DIS3L2: variants seen among roughly 807,000 people sequenced by gnomAD.
DIS3L2 encodes the protein DIS3-like exonuclease 2.
A neutral mutation model predicts 97.5 loss-of-function variants in DIS3L2; 34 were observed. The observed-to-expected ratio is 0.35, with a 90% confidence interval of 0.27 to 0.46. The LOEUF is 0.46. Among genes scored for constraint, DIS3L2 ranks in the 20% least tolerant of loss-of-function variants. DIS3L2 has a pLI of 1.00. For synonymous variants in DIS3L2, 435 were observed against 445.2 expected, an observed-to-expected ratio of 0.98 and a Z score of 0.29; for missense variants, 1,038 against 1,146.0, an observed-to-expected ratio of 0.91 and a Z score of 1.36.
At chr2:232,050,157 A>G (rs1695359367) in intron 5 of DIS3L2, among the ~76,000 whole-genome samples, 1 of 151,948 alleles carries the variant, frequency 6.6e-6, no homozygotes, top group African/African-American at 2.4e-5. Flanking sequence ...AAGACCATTG[A>G]TTTCCCTTTT....
At chr2:232,133,986 T>TAAAAAAA (rs1574900504) in intron 7 of DIS3L2, among the ~76,000 whole-genome samples, 2 of 5,882 alleles carry the variant, frequency 3.4e-4, no homozygotes, top group Non-Finnish European at 3.0e-4. Context: ...AGACTCTGTC[T>TAAAAAAA]CAAAAAAAAA....
intron 9 of DIS3L2, among the ~76,000 whole-genome samples, chr2:232,183,952 A>T (rs1164306356): frequency 2.0e-5 from 3 of 152,206 alleles, no homozygotes; most frequent in Non-Finnish European, 4.4e-5. Flanking sequence ...TTTCACCACG[A>T]TTACAATGCT....
intron 9 of DIS3L2, among the ~76,000 whole-genome samples, chr2:232,192,221 T>C (rs1440206325): frequency 6.6e-6 from 1 of 152,246 alleles, no homozygotes; most frequent in Non-Finnish European, 1.5e-5. Flanking sequence ...TACATACTTA[T>C]CATCTCCTTT....
chr2:232,101,615 C>G (rs1281725790), intron 6 of DIS3L2, among the ~76,000 whole-genome samples: 1 of 152,030 alleles, frequency 6.6e-6, no homozygotes, highest in Non-Finnish European at 1.5e-5. Context: ...GTTTTTATTC[C>G]CAAGATGCAG....
chr2:232,329,947 G>A lies in DIS3L2; in HGVS notation c.1874G>A (p.Cys625Tyr), dbSNP rs1326460433. 1.2e-6 allele frequency: 2 copies of A among 1,613,120 alleles called. No individual in the cohort carries two copies. Among genetic ancestry groups the A allele is most frequent in the Non-Finnish European group, 1.7e-6 (2 of 1,179,760 alleles). ...ATGCTCAGTGACCTGGTGGAATTCTGCGACCAGATGGGGCTGCCCGTGGAC... is the reference window on the plus strand; with the variant it reads ...ATGCTCAGTGACCTGGTGGAATTCTACGACCAGATGGGGCTGCCCGTGGAC... ...TRMLSDLVEF[C>Y]DQMGLPVDFS... The change falls in exon 15 of 21, where the codon TGC (cysteine) becomes TAC (tyrosine). Residue 625 changes from cysteine to tyrosine, a missense_variant. Coordinates refer to ENST00000325385, the MANE Select transcript of DIS3L2 (RefSeq NM_152383.5).
chr2:231,969,541 T>C (rs1416409226), intron 1 of DIS3L2, among the ~76,000 whole-genome samples: 1 of 152,036 alleles, frequency 6.6e-6, no homozygotes, highest in Non-Finnish European at 1.5e-5. Context: ...AAACTCCTGA[T>C]CTCAAATGAT....
chr2:232,220,318 A>G (rs1692460723), intron 10 of DIS3L2, among the ~76,000 whole-genome samples: 1 of 151,766 alleles, frequency 6.6e-6, no homozygotes, highest in African/African-American at 2.4e-5. Flanking sequence ...AACAACACCA[A>G]GTATCTCTTG....
intron 5 of DIS3L2, among the ~76,000 whole-genome samples, chr2:232,063,208 G>A (rs1695760959): frequency 6.6e-6 from 1 of 152,096 alleles, no homozygotes; most frequent in African/African-American, 2.4e-5. Flanking sequence ...TTGAAAGTTG[G>A]AGGTTCTAGC....
intron 6 of DIS3L2, among the ~76,000 whole-genome samples, chr2:232,099,368 A>T (rs1447652136): frequency 6.6e-6 from 1 of 152,090 alleles, no homozygotes; most frequent in Non-Finnish European, 1.5e-5. Context: ...GATGTACACC[A>T]TCACACCCAG....
intron 10 of DIS3L2, among the ~76,000 whole-genome samples, chr2:232,213,421 G>A (rs1159093654): frequency 1.3e-5 from 2 of 152,130 alleles, no homozygotes; most frequent in Non-Finnish European, 2.9e-5. Flanking sequence ...GCCTGAGTTG[G>A]TCAGGCAAAC....
At chr2:231,977,301 T>G (rs1693128286) in intron 1 of DIS3L2, among the ~76,000 whole-genome samples, 1 of 152,238 alleles carries the variant, frequency 6.6e-6, no homozygotes, top group African/African-American at 2.4e-5. Flanking sequence ...ATTGATAACA[T>G]TTTCATGCTG....
intron 1 of DIS3L2, among the ~76,000 whole-genome samples, chr2:231,993,606 C>T (rs1415688952): frequency 6.6e-6 from 1 of 152,168 alleles, no homozygotes; most frequent in African/African-American, 2.4e-5. Context: ...GTTTAATTAC[C>T]TGGAGATTTC....
At chr2:232,100,536 C>A (rs2106323133) in intron 6 of DIS3L2, among the ~76,000 whole-genome samples, 1 of 152,124 alleles carries the variant, frequency 6.6e-6, no homozygotes, top group South Asian at 2.1e-4. Flanking sequence ...CTAAATACTT[C>A]TTTAGCTCTA....
intron 1 of DIS3L2, among the ~76,000 whole-genome samples, chr2:231,972,236 A>G (rs568869685): frequency 1.3e-5 from 2 of 152,290 alleles, no homozygotes; most frequent in East Asian, 3.9e-4. Flanking sequence ...AGTATACTCT[A>G]AAATAATGAT....
At chr2:232,016,950 C>T (rs953283622) in intron 3 of DIS3L2, among the ~76,000 whole-genome samples, 3 of 139,676 alleles carry the variant, frequency 2.1e-5, no homozygotes, top group African/African-American at 7.9e-5. Flanking sequence ...CCCTTCCTTC[C>T]TTCCTTCACC....
chr2:232,100,962 G>T (rs1411420303), intron 6 of DIS3L2, among the ~76,000 whole-genome samples: 2 of 152,086 alleles, frequency 1.3e-5, no homozygotes, highest in Non-Finnish European at 2.9e-5. Flanking sequence ...GGGGCTGGGT[G>T]TGGTGGCTCA....
chr2:231,968,069 G>C (rs573194311), intron 1 of DIS3L2, among the ~76,000 whole-genome samples: 2 of 151,234 alleles, frequency 1.3e-5, no homozygotes, highest in South Asian at 4.2e-4. Flanking sequence ...CATACCCCTG[G>C]CTCCCTGATC....
At position 232,334,358 on chromosome 2, in the gene DIS3L2, C is replaced by G. The variant is rs746549250; in HGVS notation, c.2159-11C>G. On this transcript the variant is annotated splice_polypyrimidine_tract_variant and intron_variant, in intron 17 of 20. Coordinates refer to ENST00000325385, the MANE Select transcript of DIS3L2 (RefSeq NM_152383.5). The stretch of plus-strand genomic sequence containing the variant: ...AGGCTCCCACTCTCATGCCTCACCC[C>G]CTCTTCCCAGGCTATAGGGAGCGAC... 3.3e-5 allele frequency: 53 copies of G among 1,612,814 alleles called. No individual in the cohort carries two copies. Among genetic ancestry groups the G allele is most frequent in the Non-Finnish European group, 4.4e-5 (52 of 1,179,794 alleles).
intron 5 of DIS3L2, among the ~76,000 whole-genome samples, chr2:232,077,756 T>C (rs2106294404): frequency 6.6e-6 from 1 of 152,288 alleles, no homozygotes; most frequent in South Asian, 2.1e-4. Context: ...TGCAGGTCTA[T>C]GGAGAAACCA....
Sources: allele counts gnomAD v4.1 joint callset (sites outside exome capture counted in the v4.1 genomes callset), GRCh38; gene constraint gnomAD v4.1.1; transcripts MANE v1.5; gene names NCBI Gene and HGNC (gene_info 2026-07-23, HGNC 2026-07-21).